The following DNAH1 variants were observed in gnomAD, a reference collection of about 807,000 sequenced individuals.
DNAH1 encodes dynein axonemal heavy chain 1.
DNAH1 carries 327 observed loss-of-function variants against 484.3 expected under a neutral mutation model. The ratio of observed to expected loss-of-function variants is 0.68; its 90% confidence interval spans 0.62 to 0.74. The LOEUF (loss-of-function observed/expected upper bound fraction) is 0.74. DNAH1 is among the 30% of genes least tolerant of loss of function. The pLI is 0.00. For synonymous variants in DNAH1, 2,192 were observed against 2,191.9 expected (o/e 1.00, Z 0.00); for missense variants, 5,052 against 5,546.8 (o/e 0.91, Z 2.83).
At chr3:52,392,230 C>T (rs533268926) in intron 63 of DNAH1, among the ~76,000 whole-genome samples, 1 of 152,346 alleles carries the variant, frequency 6.6e-6, no homozygotes, top group East Asian at 1.9e-4. Context: ...CTGCTCAGCC[C>T]CTTCTAGGAT....
Position 52,378,637 on chromosome 3 carries a change from C to T in DNAH1, c.7234C>T (p.Leu2412Phe). The change falls in exon 47 of 78, where the codon CTT (leucine) becomes TTT (phenylalanine). Residue 2412 changes from leucine (L) to phenylalanine (F), a missense_variant. Leu to Phe is a conservative substitution (Grantham distance 22). Around this residue, in one of 4 missense-constraint regions of DNAH1, gnomAD observed 2,929 missense variants for 3,409.4 expected, o/e 0.86. Transcript: ENST00000420323. ...APHIAHFTEPLVEATIMVYAT... is the reference protein window; with the variant it reads ...APHIAHFTEPFVEATIMVYAT... ...CCACATTGCCCACTTCACGGAGCCC[C>T]TTGTGGAAGCCACCATCATGGTGTA... is the stretch of plus-strand genomic sequence containing the variant. The T allele has an allele frequency of 6.2e-7, 1 of 1,613,716 alleles. No individual in the cohort carries two copies. Among genetic ancestry groups the T allele is most frequent in the Non-Finnish European group, 8.5e-7 (1 of 1,179,828 alleles).
intron 44 of DNAH1, chr3:52,373,866 A>G (rs1018886882): frequency 2.8e-6 from 4 of 1,405,074 alleles, no homozygotes; most frequent in South Asian, 1.2e-5. Context: ...TGCAGTTAAC[A>G]TGTTTCGAAT....
intron 45 of DNAH1, 93 bp downstream of exon 45, chr3:52,375,506 G>C: frequency 6.9e-7 from 1 of 1,441,380 alleles, no homozygotes; most frequent in Non-Finnish European, 9.4e-7. Context: ...AGAAAGGGTG[G>C]AGTGGCCAAA....
At position 52,359,950 on chromosome 3, in the gene DNAH1, T is replaced by C; in HGVS notation, c.4442T>C (p.Leu1481Pro). Reference sequence around the variant, plus strand: ...CTGGTGGCCCTTGTGCGGGGGAAGCTGTCCCGCATGCAGCGGGCAGTGCTG... The same window carrying C: ...CTGGTGGCCCTTGTGCGGGGGAAGCCGTCCCGCATGCAGCGGGCAGTGCTG... Reference protein sequence around the residue: ...SDLVALVRGKLSRMQRAVLSA... With the variant: ...SDLVALVRGKPSRMQRAVLSA... The change falls in exon 27 of 78, where the codon CTG becomes CCG. Residue 1481 changes from leucine (L) to proline (P), a missense_variant. Leu to Pro is a moderately conservative substitution (Grantham distance 98, BLOSUM62 -3). Transcript: ENST00000420323. The C allele has an allele frequency of 6.2e-7, 1 of 1,613,878 alleles. No individual in the cohort carries two copies. The highest frequency in any genetic ancestry group is 1.1e-5 in the South Asian group (1 of 91,092).
intron 8 of DNAH1, among the ~76,000 whole-genome samples, chr3:52,339,347 C>T (rs867456899): frequency 6.6e-6 from 1 of 151,866 alleles, no homozygotes; most frequent in Non-Finnish European, 1.5e-5. Flanking sequence ...TGTTTTCTCT[C>T]GGTCACCTTG....
Position 52,355,109 on chromosome 3 carries a change from A to G in DNAH1, c.3693+54A>G, listed in dbSNP as rs1244317832. On this transcript the variant is annotated intron_variant, in intron 21 of 77. Coordinates refer to ENST00000420323, the MANE Select transcript of DNAH1 (RefSeq NM_015512.5). This position sits in a 1 kb window ranked among gnomAD's most constrained non-coding sequence, Gnocchi z 4.5. ...TCGCTCCCCCACTTCAGAGAGCCCG[A>G]CCCACAGGTGTCACTGATGGTCTCC... The G allele has an allele frequency of 1.3e-6, 2 of 1,556,410 alleles. No homozygotes were observed. The highest frequency in any genetic ancestry group is 1.8e-6 in the Non-Finnish European group (2 of 1,135,816).
chr3:52,323,024 C>A lies in DNAH1; in HGVS notation c.333+249C>A, dbSNP rs1346062381. Among the ~76,000 whole-genome samples the A allele has an allele frequency of 2.0e-5, 3 of 152,196 alleles. No individual in the cohort carries two copies. In the East Asian group the frequency reaches 5.8e-4, roughly 29 times the overall value. On this transcript the variant is annotated intron_variant, in intron 2 of 77. Transcript: ENST00000420323. ...TACTGAGCTCCTGCTGTGTGCCAGG[C>A]CCTGGATGGAGCCCTGGAGATGCAG...
In DNAH1 at chr3:52,366,828, C is replaced by G; in HGVS notation, c.5706C>G (p.Asn1902Lys). The G allele has an allele frequency of 6.2e-7, 1 of 1,613,928 alleles. No homozygotes were observed. The highest frequency in any genetic ancestry group is 1.7e-5 in the Admixed American group (1 of 60,022). Residue 1902 changes from asparagine to lysine, a missense_variant, in exon 36 of 78, where the codon AAC (asparagine) becomes AAG (lysine). By Grantham distance (94) the Asn-to-Lys change is moderately conservative. This residue lies in a region of DNAH1 where 2,929 missense variants were observed against 3,409.4 expected (regional missense o/e 0.86). Transcript: ENST00000420323. ...MYEAVNYYVL[N>K]PKSITMGQLY... The stretch of plus-strand genomic sequence containing the variant: ...AGGCTGTCAACTACTACGTGCTCAA[C>G]CCCAAGTCCATCACGATGGGCCAGC...
intron 39 of DNAH1, 39 bp from the exon 40 acceptor site, chr3:52,370,438 G>A (rs1250509670): frequency 6.2e-7 from 1 of 1,613,302 alleles, no homozygotes; most frequent in Non-Finnish European, 8.5e-7. Context: ...GCTTGATACT[G>A]TTCCTGTCTC....
At chr3:52,398,309 GTC>G (rs1704731810) in intron 75 of DNAH1, 147 bp downstream of exon 75, 10 of 1,094,736 alleles carry the variant, frequency 9.1e-6, no homozygotes, top group South Asian at 5.1e-5. Flanking sequence ...TTGACACGGA[GTC>G]TCTCTCTGTT....
At chr3:52,363,512 G>A (rs540163487) in intron 32 of DNAH1, among the ~76,000 whole-genome samples, 2 of 152,218 alleles carry the variant, frequency 1.3e-5, no homozygotes, top group African/African-American at 4.8e-5. Flanking sequence ...GAGTAGGACA[G>A]CCAGGCCCTC....
Position 52,394,975 on chromosome 3 carries a change from C to T in DNAH1, c.10884C>T (p.Leu3628=), listed in dbSNP as rs1252920532. The change falls in exon 68 of 78, where the codon CTC becomes CTT. Residue 3628 remains leucine, a synonymous_variant. Transcript: ENST00000420323. ...ACCAGTTCCAGAAGCTGCTAGTCCT[C>T]CGCTGCCTGCGTGGGGACAAGGTTA... ...YLDQFQKLLV[L]RCLRGDKVTN... 6 of 1,612,966 alleles carry T rather than the reference C, an allele frequency of 3.7e-6. 1 individual carries two copies. In the African/African-American group the frequency reaches 6.7e-5, roughly 18 times the overall value.
chr3:52,326,656 C>T (rs1578074166), intron 4 of DNAH1, 79 bp from the exon 5 acceptor site: 35 of 1,507,982 alleles, frequency 2.3e-5, no homozygotes, highest in East Asian at 2.3e-5. Context: ...CCCACAACCC[C>T]GTAGGCCCTT....
intron 76 of DNAH1, 126 bp downstream of exon 76, chr3:52,399,327 C>CAGA (rs1704795985): frequency 1.8e-6 from 2 of 1,094,734 alleles, no homozygotes; most frequent in East Asian, 4.7e-5. Context: ...AGACCCAAGC[C>CAGA]AGAAGAGGCC....
intron 52 of DNAH1, 104 bp from the exon 53 acceptor site, chr3:52,384,682 G>T: frequency 8.3e-7 from 1 of 1,205,794 alleles, no homozygotes. Context: ...GGAGGTTCCT[G>T]CTGTGGCCCC....
intron 7 of DNAH1, 100 bp from the exon 8 acceptor site, chr3:52,332,042 C>T: frequency 7.0e-7 from 1 of 1,430,058 alleles, no homozygotes; most frequent in Non-Finnish European, 9.4e-7. Context: ...ACAATTTGTT[C>T]AGGGCCACTG....
rs747554237 is a variant in DNAH1, at chr3:52,357,978, G to A, written c.4061G>A (p.Arg1354His). The A allele has an allele frequency of 1.8e-5, 29 of 1,611,676 alleles. No homozygotes were observed. Among genetic ancestry groups the A allele is most frequent in the South Asian group, 8.8e-5 (8 of 90,920 alleles). The change falls in exon 24 of 78, where the codon CGC becomes CAC. Residue 1354 changes from arginine (R) to histidine (H), a missense_variant. By Grantham distance (29) the Arg-to-His change is conservative. Around this residue, in one of 4 missense-constraint regions of DNAH1, gnomAD observed 2,929 missense variants for 3,409.4 expected, o/e 0.86. Transcript: ENST00000420323. ...CCCACGGCCGTGCAGCCACACCTGC[G>A]CAAGTGCTTCGAGAACATCGCTCGG... ...KDPTAVQPHLRKCFENIARLL... is the reference protein window; with the variant it reads ...KDPTAVQPHLHKCFENIARLL...
intron 47 of DNAH1, 27 bp downstream of exon 47, chr3:52,378,807 A>C (rs1019138482): frequency 5.6e-6 from 9 of 1,612,696 alleles, no homozygotes; most frequent in Non-Finnish European, 7.6e-6. Context: ...CACCCTCCCC[A>C]GTGCCCACAC....
Position 52,361,402 on chromosome 3 carries a change from C to CAA in DNAH1, c.4874+50_4874+51insAA. On this transcript the variant is annotated intron_variant, in intron 29 of 77. Coordinates refer to ENST00000420323, the MANE Select transcript of DNAH1 (RefSeq NM_015512.5). This position sits in a 1 kb window ranked among gnomAD's most constrained non-coding sequence, Gnocchi z 5.6. ...CAGGATGGGGTGGGACAGCCTAGCTCTCCTTGGGGAGGGCTAGGTGAGGGC... is the reference window on the plus strand; with the variant it reads ...CAGGATGGGGTGGGACAGCCTAGCTCAATCCTTGGGGAGGGCTAGGTGAGGGC... 6.7e-7 allele frequency: 1 copy of CAA among 1,492,558 alleles called. No homozygotes were observed. The highest frequency in any genetic ancestry group is 9.0e-7 in the Non-Finnish European group (1 of 1,115,434). 92.5% of individuals were successfully genotyped at this position (1,492,558 alleles called of 1,614,324 possible). A position where few individuals can be genotyped will look rare whatever the true frequency, so the allele number is the denominator to read the frequency against.
Sources: allele counts gnomAD v4.1 joint callset (sites outside exome capture counted in the v4.1 genomes callset), GRCh38; gene constraint gnomAD v4.1.1; regional missense constraint gnomAD v4.1.1; non-coding constraint Gnocchi (gnomAD v3.1); transcripts MANE v1.5; gene names NCBI Gene and HGNC (gene_info 2026-07-23, HGNC 2026-07-21).